Variants in NAV3 observed in about 807,000 individuals in gnomAD.
NAV3 encodes neuron navigator 3.
A neutral mutation model predicts 244.7 loss-of-function variants in NAV3; 87 were observed. The ratio of observed to expected loss-of-function variants is 0.36; its 90% CI spans 0.30 to 0.42. The LOEUF is 0.42. Among genes scored for constraint, NAV3 ranks in the 20% least tolerant of loss-of-function variants. The pLI is 1.00. For synonymous variants in NAV3, 1,126 were observed against 1,042.2 expected, an observed-to-expected ratio of 1.08 and a Z score of -1.55; for missense variants, 2,663 against 2,893.3, an observed-to-expected ratio of 0.92 and a Z score of 1.83.
At chr12:77,927,780 G>T (rs536556216) in intron 1 of NAV3, among the ~76,000 whole-genome samples, 7 of 152,190 alleles carry the variant, frequency 4.6e-5, no homozygotes, top group African/African-American at 1.7e-4. Flanking sequence ...ATTTTTTGTA[G>T]AAGAAAAGAT....
intron 2 of NAV3, among the ~76,000 whole-genome samples, chr12:77,603,140 A>G (rs1415406886): frequency 6.6e-6 from 1 of 152,022 alleles, no homozygotes; most frequent in Non-Finnish European, 1.5e-5. Context: ...GTTGACTTTC[A>G]AGGATGGAGA....
At chr12:77,766,498 G>A (rs1291386886) in intron 2 of NAV3, among the ~76,000 whole-genome samples, 1 of 152,120 alleles carries the variant, frequency 6.6e-6, no homozygotes, top group African/African-American at 2.4e-5. Context: ...GCTGTCTAAT[G>A]TGGATAATGG....
intron 1 of NAV3, among the ~76,000 whole-genome samples, chr12:77,833,494 G>T (rs1314685295): frequency 1.3e-5 from 2 of 152,204 alleles, no homozygotes; most frequent in African/African-American, 4.8e-5. Flanking sequence ...AACCTCTAGA[G>T]GGATCATGCA....
intron 2 of NAV3, among the ~76,000 whole-genome samples, chr12:77,764,241 G>T (rs777188738): frequency 1.3e-5 from 2 of 152,152 alleles, no homozygotes; most frequent in Non-Finnish European, 2.9e-5. Context: ...CATCTGCATT[G>T]TTTATGTGTT....
In NAV3 at chr12:78,197,341, A is replaced by T; in HGVS notation, c.6386A>T (p.His2129Leu). The T allele has an allele frequency of 6.2e-7, 1 of 1,609,328 alleles. No individual in the cohort carries two copies. Among genetic ancestry groups the T allele is most frequent in the Non-Finnish European group, 8.5e-7 (1 of 1,177,134 alleles). Residue 2129 changes from histidine to leucine, a missense_variant, in exon 35 of 40, where the codon CAT (histidine) becomes CTT (leucine). His to Leu is a moderately conservative substitution (Grantham distance 99). Transcript: ENST00000397909. ...GTTGTAATAATTCTTGATAATCTTC[A>T]TCATGTGGGCTCTCTGAGTGATATC... Reference protein sequence around the residue: ...LPVVIILDNLHHVGSLSDIFN... With the variant: ...LPVVIILDNLLHVGSLSDIFN...
At chr12:77,994,780 T>C (rs1443330818) in intron 5 of NAV3, 23 bp from the exon 6 acceptor site, 1 of 1,582,790 alleles carries the variant, frequency 6.3e-7, no homozygotes, top group Non-Finnish European at 8.6e-7. Flanking sequence ...TTTAATTCAA[T>C]TTCTCTGTTT....
chr12:77,671,903 A>G (rs1873992510), intron 2 of NAV3, among the ~76,000 whole-genome samples: 1 of 145,692 alleles, frequency 6.9e-6, no homozygotes, highest in Admixed American at 6.8e-5. Context: ...ACAAAGATAA[A>G]TAGATAGAAC....
At chr12:77,839,388 G>A (rs74106565) in intron 1 of NAV3, among the ~76,000 whole-genome samples, 2 of 152,178 alleles carry the variant, frequency 1.3e-5, no homozygotes, top group African/African-American at 4.8e-5. Context: ...TATGTTCATG[G>A]TCACTGTCAA....
chr12:77,985,450 A>G (rs12310624), intron 5 of NAV3, among the ~76,000 whole-genome samples: 2,291 of 152,284 alleles, frequency 0.015, 49 homozygotes, highest in African/African-American at 0.052. Flanking sequence ...AAGTATTTAT[A>G]TACTTTATAA....
At chr12:77,685,268 A>G (rs1592580175) in intron 2 of NAV3, among the ~76,000 whole-genome samples, 1 of 152,320 alleles carries the variant, frequency 6.6e-6, no homozygotes, top group South Asian at 2.1e-4. Context: ...GTAACATGCC[A>G]CGAAATTTGC....
intron 11 of NAV3, among the ~76,000 whole-genome samples, chr12:78,054,838 A>G (rs184805506): frequency 1.6e-4 from 25 of 152,082 alleles, no homozygotes; most frequent in Non-Finnish European, 3.4e-4. Context: ...TTTTGATGAG[A>G]AAGCAGAGAG....
At chr12:78,157,886 A>G (rs999322417) in intron 22 of NAV3, among the ~76,000 whole-genome samples, 2 of 152,078 alleles carry the variant, frequency 1.3e-5, no homozygotes, top group Non-Finnish European at 2.9e-5. Context: ...TCTTTAGTAG[A>G]TGTATTCCCT....
chr12:78,153,602 C>T (rs1405230331), intron 22 of NAV3, among the ~76,000 whole-genome samples: 3 of 151,944 alleles, frequency 2.0e-5, no homozygotes, highest in Non-Finnish European at 4.4e-5. Context: ...TGTCTTTTAA[C>T]GTATTTTCTT....
intron 24 of NAV3, among the ~76,000 whole-genome samples, chr12:78,170,857 A>T (rs1957971108): frequency 6.6e-6 from 1 of 151,394 alleles, no homozygotes; most frequent in Non-Finnish European, 1.5e-5. Flanking sequence ...ATTGAATGAC[A>T]CCCCCTGTGA....
chr12:77,733,486 G>C (rs1055907648), intron 2 of NAV3, among the ~76,000 whole-genome samples: 1 of 151,962 alleles, frequency 6.6e-6, no homozygotes, highest in Non-Finnish European at 1.5e-5. Context: ...ATCTGGCTTT[G>C]GGTTTCACCA....
intron 5 of NAV3, among the ~76,000 whole-genome samples, chr12:77,974,150 TA>T (rs1336148488): frequency 6.6e-6 from 1 of 152,090 alleles, no homozygotes; most frequent in African/African-American, 2.4e-5. Flanking sequence ...TTAAGTTTCT[TA>T]AATTCATTAC....
chr12:77,680,112 C>A (rs1874384631), intron 2 of NAV3, among the ~76,000 whole-genome samples: 1 of 152,052 alleles, frequency 6.6e-6, no homozygotes, highest in African/African-American at 2.4e-5. Context: ...TTAGAAGGCA[C>A]AGGGAAAGGG....
At chr12:77,767,566 A>G (rs1869840662) in intron 2 of NAV3, among the ~76,000 whole-genome samples, 1 of 152,194 alleles carries the variant, frequency 6.6e-6, no homozygotes, top group South Asian at 2.1e-4. Context: ...GCATACAGCC[A>G]AGCACACTAG....
At chr12:78,041,677 A>T (rs1880886259) in intron 9 of NAV3, among the ~76,000 whole-genome samples, 2 of 152,168 alleles carry the variant, frequency 1.3e-5, no homozygotes, top group Non-Finnish European at 2.9e-5. Context: ...GTCCCATGTG[A>T]GACAGATGAA....
Sources: gnomAD v4.1 joint callset for allele counts (sites outside exome capture counted in the v4.1 genomes callset) on GRCh38, gnomAD v4.1.1 for gene constraint, MANE v1.5 for transcripts, NCBI Gene and HGNC (gene_info 2026-07-23, HGNC 2026-07-21) for gene names.